Variants in MTA3 observed in about 807,000 individuals in gnomAD.
The protein encoded by MTA3 is metastasis associated 1 family member 3.
In MTA3, 34 loss-of-function variants were observed where a neutral mutation model predicts 83.5. That is an observed-to-expected ratio of 0.41 (90% confidence interval 0.31 to 0.54). The LOEUF (loss-of-function observed/expected upper bound fraction) is 0.54. Among genes scored for constraint, MTA3 ranks in the 20% least tolerant of loss-of-function variants. MTA3 has a pLI of 0.33. For synonymous variants in MTA3, 303 were observed against 252.7 expected (o/e 1.20, Z -1.89); for missense variants, 761 against 726.4 (o/e 1.05, Z -0.55).
At chr2:42,682,366 C>G in intron 8 of MTA3, 35 bp from the exon 9 acceptor site, 1 of 1,472,636 alleles carries the variant, frequency 6.8e-7, no homozygotes, top group African/African-American at 1.4e-5. Context: ...GTTTGCATTT[C>G]TGGTTGATAT....
At position 42,682,469 on chromosome 2, in the gene MTA3, A is replaced by G; in HGVS notation, c.771A>G (p.Pro257=). Residue 257 remains proline, a synonymous_variant, in exon 9 of 17, where the codon CCA becomes CCG. Coordinates refer to ENST00000405094, the MANE Select transcript of MTA3 (RefSeq NM_001330442.2). ...GCAGTGCCATTAGTGTCTTAGTACCACTCGGAGGACCTGTTTTATGCAGAG... is the reference window on the plus strand; with the variant it reads ...GCAGTGCCATTAGTGTCTTAGTACCGCTCGGAGGACCTGTTTTATGCAGAG... ...DLSSAISVLV[P]LGGPVLCRDE... is the part of the protein sequence containing the mutation. 6.2e-7 allele frequency: 1 copy of G among 1,612,304 alleles called. No individual in the cohort carries two copies. The highest frequency in any genetic ancestry group is 8.5e-7 in the Non-Finnish European group (1 of 1,179,212).
intron 4 of MTA3, among the ~76,000 whole-genome samples, chr2:42,611,368 A>T (rs967603249): frequency 1.1e-4 from 15 of 141,472 alleles, no homozygotes; most frequent in Non-Finnish European, 2.3e-4. Context: ...CCAATTCCTG[A>T]TACCTTTGTG....
At chr2:42,752,758 C>G (rs909052411) in intron 16 of MTA3, among the ~76,000 whole-genome samples, 9 of 152,174 alleles carry the variant, frequency 5.9e-5, no homozygotes, top group African/African-American at 2.2e-4. Context: ...AGAAAAGTTC[C>G]ATGAGTCTCT....
intron 2 of MTA3, among the ~76,000 whole-genome samples, chr2:42,496,793 A>C (rs1329230969): frequency 6.6e-6 from 1 of 152,150 alleles, no homozygotes; most frequent in East Asian, 1.9e-4. Context: ...GATTGCTGCC[A>C]CAACCTTCTA....
At chr2:42,640,338 A>G in intron 5 of MTA3, 102 bp downstream of exon 5, 2 of 782,754 alleles carry the variant, frequency 2.6e-6, no homozygotes, top group Non-Finnish European at 4.0e-6. Context: ...TTATTCCACC[A>G]TTATATTAAT....
chr2:42,555,003 A>G (rs1277210969), intron 2 of MTA3, among the ~76,000 whole-genome samples: 1 of 152,148 alleles, frequency 6.6e-6, no homozygotes, highest in African/African-American at 2.4e-5. Context: ...ATACAAAAAA[A>G]TTAGCTGGGC....
At chr2:42,688,927 A>AG (rs1692637598) in intron 9 of MTA3, among the ~76,000 whole-genome samples, 1 of 151,796 alleles carries the variant, frequency 6.6e-6, no homozygotes, top group African/African-American at 2.4e-5. Flanking sequence ...AAATTCATTC[A>AG]TTTTTTTACT....
chr2:42,638,603 G>C (rs1687407229), intron 4 of MTA3, among the ~76,000 whole-genome samples: 1 of 151,994 alleles, frequency 6.6e-6, no homozygotes, highest in Non-Finnish European at 1.5e-5. Flanking sequence ...CTGGGCTCAA[G>C]CGATTCTTCT....
intron 10 of MTA3, among the ~76,000 whole-genome samples, 182 bp downstream of exon 10, chr2:42,696,021 T>C (rs1693360151): frequency 6.6e-6 from 1 of 152,226 alleles, no homozygotes; most frequent in Non-Finnish European, 1.5e-5. Flanking sequence ...TAATATTTCC[T>C]TGACTTCGCA....
chr2:42,614,950 C>T (rs1453885831), intron 4 of MTA3, among the ~76,000 whole-genome samples: 1 of 148,624 alleles, frequency 6.7e-6, no homozygotes, highest in Non-Finnish European at 1.5e-5. Context: ...GTACTTTAGC[C>T]TGGGTGACAG....
At chr2:42,554,479 C>G (rs1677284699) in intron 2 of MTA3, among the ~76,000 whole-genome samples, 1 of 152,094 alleles carries the variant, frequency 6.6e-6, no homozygotes, top group Non-Finnish European at 1.5e-5. Flanking sequence ...GTCAGCCTGT[C>G]TCAGCTGTTC....
chr2:42,526,335 G>A (rs183294693), intron 2 of MTA3, among the ~76,000 whole-genome samples: 311 of 152,282 alleles, frequency 2.0e-3, no homozygotes, highest in Non-Finnish European at 2.9e-3. Context: ...GGGTAACTGG[G>A]ATTACAGGCG....
intron 8 of MTA3, 90 bp downstream of exon 8, chr2:42,659,952 C>A (rs942790177): frequency 3.2e-6 from 3 of 925,144 alleles, no homozygotes; most frequent in African/African-American, 3.4e-5. Context: ...AGACCGGGAG[C>A]TTTTGGGCTC....
At chr2:42,525,030 C>T (rs1675622120) in intron 2 of MTA3, among the ~76,000 whole-genome samples, 1 of 150,050 alleles carries the variant, frequency 6.7e-6, no homozygotes, top group East Asian at 2.0e-4. Flanking sequence ...CATATGTATA[C>T]ATGTGCCATG....
intron 3 of MTA3, among the ~76,000 whole-genome samples, chr2:42,605,886 A>G (rs1573216722): frequency 3.0e-5 from 3 of 99,316 alleles, no homozygotes; most frequent in South Asian, 4.2e-4. Context: ...GGCCGGGCAG[A>G]GGGGCTCCTC....
Position 42,756,314 on chromosome 2 carries a change from C to CA in MTA3, c.*2916dup, listed in dbSNP as rs1670235727. ...TTCCCCAGGCAGAGAGAGGGGGCCC[C>CA]AGCCTCTCCCCTCCTCTTGGCCTCC... On this transcript the variant is annotated 3_prime_UTR_variant, in exon 17 of 17. Coordinates refer to ENST00000405094, the MANE Select transcript of MTA3 (RefSeq NM_001330442.2). 1 of 359,416 alleles carries CA rather than the reference C, an allele frequency of 2.8e-6. No homozygotes were observed. Among genetic ancestry groups the CA allele is most frequent in the Non-Finnish European group, 3.9e-6 (1 of 257,752 alleles). The allele number at this position is 359,416 out of a possible 1,614,324, so 22.3% of individuals were successfully genotyped here.
At chr2:42,710,873 G>A (rs1666546512) in intron 14 of MTA3, among the ~76,000 whole-genome samples, 1 of 152,124 alleles carries the variant, frequency 6.6e-6, no homozygotes, top group South Asian at 2.1e-4. Context: ...GAGGTCAGGA[G>A]TTAGAGACTA....
At chr2:42,627,156 C>T (rs1230296380) in intron 4 of MTA3, among the ~76,000 whole-genome samples, 1 of 151,970 alleles carries the variant, frequency 6.6e-6, no homozygotes, top group East Asian at 1.9e-4. Context: ...TGGCTCATTG[C>T]AGCCTTGAAC....
chr2:42,640,305 T>A (rs1472026950), intron 5 of MTA3, 69 bp downstream of exon 5: 3 of 1,105,082 alleles, frequency 2.7e-6, no homozygotes, highest in Non-Finnish European at 3.9e-6. Flanking sequence ...TCCTTGGAAT[T>A]TATTTCTTTT....
Sources: gnomAD v4.1 joint callset for allele counts (sites outside exome capture counted in the v4.1 genomes callset) on GRCh38, gnomAD v4.1.1 for gene constraint, MANE v1.5 for transcripts, NCBI Gene and HGNC (gene_info 2026-07-23, HGNC 2026-07-21) for gene names.